The following PLCG2 variants were observed in gnomAD, a reference collection of about 807,000 sequenced individuals.
The protein encoded by PLCG2 is phospholipase C gamma 2, also known as 1-phosphatidylinositol 4,5-bisphosphate phosphodiesterase gamma-2.
Under a neutral mutation model 175.6 loss-of-function variants are expected in PLCG2, and 69 were observed. That is an observed-to-expected ratio of 0.39 (90% confidence interval 0.32 to 0.48). The LOEUF (loss-of-function observed/expected upper bound fraction) is 0.48, where lower values mean the gene tolerates loss of function less well. Ranked by LOEUF, PLCG2 falls within the 20% of genes least tolerant of loss-of-function variation. PLCG2 has a pLI of 0.91. For synonymous variants in PLCG2, 827 were observed against 624.0 expected (o/e 1.33, Z -4.85); for missense variants, 1,798 against 1,650.9 (o/e 1.09, Z -1.54).
chr16:81,928,714 A>AC, intron 24 of PLCG2, 90 bp downstream of exon 24: 8 of 857,802 alleles, frequency 9.3e-6, no homozygotes, highest in Non-Finnish European at 1.6e-5. Context: ...GGTGGCTGAC[A>AC]CAGGGTCCTG....
chr16:81,931,235 A>G (rs771172365), intron 24 of PLCG2: 47 of 301,298 alleles, frequency 1.6e-4, no homozygotes, highest in Non-Finnish European at 2.0e-4. Flanking sequence ...GTACATCTGC[A>G]ACGACCCTAT....
At chr16:81,910,233 G>A (rs1027756102) in intron 17 of PLCG2, among the ~76,000 whole-genome samples, 15 of 152,194 alleles carry the variant, frequency 9.9e-5, no homozygotes, top group Non-Finnish European at 1.2e-4. Flanking sequence ...TGGGATTACA[G>A]GCATGCACCA....
chr16:81,803,011 A>G (rs772326397), intron 2 of PLCG2, among the ~76,000 whole-genome samples: 4 of 151,732 alleles, frequency 2.6e-5, no homozygotes, highest in African/African-American at 4.9e-5. Context: ...AGTCACCTCT[A>G]CTTTACTTTC....
At position 81,750,663 on chromosome 16, in the gene PLCG2, A is replaced by ATTTGTTTTTTTTTTTT. The variant is rs1909790978; in HGVS notation, c.-144-5204_-144-5203insGTTTTTTTTTTTTTTT. On this transcript the variant is annotated intron_variant, in intron 1 of 5. Coordinates refer to the PLCG2 transcript ENST00000565054. ...TTAAAAAGCAGAATGGGGACTGGAG[A>ATTTGTTTTTTTTTTTT]TTTTTTTTTTTTTTTTTTTTTTGAG... 5.8e-5 allele frequency among the ~76,000 whole-genome samples: 4 copies of ATTTGTTTTTTTTTTTT among 68,446 alleles called. 1 individual carries two copies. Among genetic ancestry groups the ATTTGTTTTTTTTTTTT allele is most frequent in the African/African-American group, 1.5e-4 (3 of 19,850 alleles). 44.9% of individuals were successfully genotyped at this position (68,446 alleles called of 152,430 possible).
chr16:81,867,889 C>CG (rs1907322814), intron 5 of PLCG2, among the ~76,000 whole-genome samples: 1 of 152,064 alleles, frequency 6.6e-6, no homozygotes, highest in African/African-American at 2.4e-5. Flanking sequence ...TTAGTAGAGA[C>CG]GGGGTTTCAC....
chr16:81,814,735 G>C (rs545293417), intron 2 of PLCG2, among the ~76,000 whole-genome samples: 1 of 152,168 alleles, frequency 6.6e-6, no homozygotes, highest in East Asian at 1.9e-4. Flanking sequence ...ATGAAGCACA[G>C]GCAGAATGGA....
rs781194589 is a variant in PLCG2 at position 81,786,200 on chromosome 16, G to C, written c.193+18G>C. On this transcript the variant is annotated intron_variant, in intron 2 of 32. Transcript: ENST00000564138. ...GGGCTTCTGTGAGTACTCGCTGGGT[G>C]GGGCAGTGTGGCCCGTCCTCTGGGG... 1 of 1,608,722 alleles carries C rather than the reference G, an allele frequency of 6.2e-7. No individual in the cohort carries two copies. Among genetic ancestry groups the C allele is most frequent in the African/African-American group, 1.3e-5 (1 of 74,852 alleles).
intron 31 of PLCG2, among the ~76,000 whole-genome samples, chr16:81,953,352 T>C (rs1911443314): frequency 6.6e-6 from 1 of 152,208 alleles, no homozygotes; most frequent in South Asian, 2.1e-4. Flanking sequence ...TTGTGCGAGA[T>C]GTTAACACTG....
intron 19 of PLCG2, among the ~76,000 whole-genome samples, chr16:81,918,563 C>T (rs369423406): frequency 3.3e-5 from 5 of 152,122 alleles, no homozygotes; most frequent in African/African-American, 9.7e-5. Context: ...ACTGTAAATG[C>T]ATGGATTTAT....
chr16:81,821,730 G>C (rs79255258), intron 2 of PLCG2, among the ~76,000 whole-genome samples: 251 of 152,318 alleles, frequency 1.6e-3, no homozygotes, highest in Middle Eastern at 3.4e-3. Context: ...CCCCAAAATA[G>C]ATCTTTCTCC....
At chr16:81,745,281 G>T (rs1490980716) in intron 1 of PLCG2, among the ~76,000 whole-genome samples, 1 of 152,156 alleles carries the variant, frequency 6.6e-6, no homozygotes, top group Non-Finnish European at 1.5e-5. Context: ...CCCATGAGAG[G>T]TAAGGAGAGT....
intron 2 of PLCG2, among the ~76,000 whole-genome samples, chr16:81,806,844 C>T (rs931577006): frequency 6.6e-6 from 1 of 151,472 alleles, no homozygotes; most frequent in Non-Finnish European, 1.5e-5. Flanking sequence ...CGAGGTGGGG[C>T]ATGTTCTGGG....
At chr16:81,776,201 T>G (rs1015459591), upstream of PLCG2, among the ~76,000 whole-genome samples, 1 of 150,868 alleles carries the variant, frequency 6.6e-6, no homozygotes. Flanking sequence ...CTCCACCTCC[T>G]GGGTTCAGGC....
intron 2 of PLCG2, among the ~76,000 whole-genome samples, chr16:81,768,570 T>TTC (rs1910204077): frequency 1.2e-5 from 1 of 82,648 alleles, no homozygotes; most frequent in Non-Finnish European, 2.7e-5. Flanking sequence ...TTTTTTTTTT[T>TTC]TTTTTTTTTC....
intron 2 of PLCG2, among the ~76,000 whole-genome samples, chr16:81,805,485 C>T (rs1483117319): frequency 2.2e-5 from 3 of 133,346 alleles, no homozygotes; most frequent in Middle Eastern, 4.1e-3. Context: ...GGTAACAGAG[C>T]GAGACTCCAT....
chr16:81,785,857 G>A, intron 1 of PLCG2, 86 bp from the exon 2 acceptor site: 2 of 782,104 alleles, frequency 2.6e-6, no homozygotes, highest in Non-Finnish European at 4.2e-6. Flanking sequence ...ACATGAGACA[G>A]GATTTTGGTT....
chr16:81,930,234 T>G (rs1425383065), intron 24 of PLCG2, among the ~76,000 whole-genome samples: 2 of 152,220 alleles, frequency 1.3e-5, no homozygotes, highest in East Asian at 1.9e-4. Context: ...GCCTGGTATA[T>G]AAGAGCTCAG....
Position 81,919,668 on chromosome 16 carries a change from G to T in PLCG2, c.2235+4G>T. The T allele has an allele frequency of 6.2e-7, 1 of 1,608,020 alleles. No individual in the cohort carries two copies. Among genetic ancestry groups the T allele is most frequent in the South Asian group, 1.1e-5 (1 of 90,944 alleles). ...GCTCCTGGAGCGCTACAATATGGTA[G>T]GTGGTGGACTCCCTTGTGATTTGGT... On this transcript the variant is annotated splice_donor_region_variant and intron_variant, in intron 20 of 32. Coordinates refer to ENST00000564138, the MANE Select transcript of PLCG2 (RefSeq NM_002661.5).
intron 2 of PLCG2, chr16:81,798,990 C>A (rs1158204761): frequency 6.6e-6 from 1 of 152,380 alleles, no homozygotes; most frequent in Non-Finnish European, 1.5e-5. Context: ...CAGGTAGTAG[C>A]ATGACTGAAG....
Sources: gnomAD v4.1 joint callset for allele counts (sites outside exome capture counted in the v4.1 genomes callset) on GRCh38, gnomAD v4.1.1 for gene constraint, MANE v1.5 for transcripts, NCBI Gene and HGNC (gene_info 2026-07-23, HGNC 2026-07-21) for gene names.